The following CALD1 variants were observed in gnomAD, a reference collection of about 807,000 sequenced individuals.
CALD1 encodes caldesmon 1, also known as caldesmon.
Under a neutral mutation model 99.9 loss-of-function variants are expected in CALD1, and 33 were observed. The ratio of observed to expected loss-of-function variants is 0.33; its 90% CI spans 0.25 to 0.44. The LOEUF is 0.44. CALD1 is among the 20% of genes least tolerant of loss of function. The pLI is 1.00. For synonymous variants in CALD1, 310 were observed against 325.0 expected (o/e 0.95, Z 0.50); for missense variants, 861 against 962.1 (o/e 0.89, Z 1.39).
chr7:134,966,080 G>T (rs773297630), intron 14 of CALD1, among the ~76,000 whole-genome samples: 1 of 152,064 alleles, frequency 6.6e-6, no homozygotes, highest in African/African-American at 2.4e-5. Flanking sequence ...AATAGACCTC[G>T]TGTTCTCCTT....
At chr7:134,957,412 G>A (rs1467516298) in intron 9 of CALD1, among the ~76,000 whole-genome samples, 4 of 143,946 alleles carry the variant, frequency 2.8e-5, no homozygotes, top group Non-Finnish European at 6.2e-5. Flanking sequence ...TTTGTTTGTT[G>A]TTGTTGCATT....
intron 1 of CALD1, among the ~76,000 whole-genome samples, chr7:134,794,024 A>AC (rs1046440639): frequency 1.3e-5 from 2 of 152,062 alleles, no homozygotes; most frequent in African/African-American, 4.8e-5. Context: ...ACTGCAGCTC[A>AC]CAGAGGCCAT....
chr7:134,957,614 T>C (rs1400454803), intron 9 of CALD1, among the ~76,000 whole-genome samples: 1 of 152,126 alleles, frequency 6.6e-6, no homozygotes, highest in East Asian at 1.9e-4. Flanking sequence ...AGAGATAGGG[T>C]TTCACCATGT....
intron 1 of CALD1, among the ~76,000 whole-genome samples, chr7:134,747,795 C>T (rs1052180351): frequency 1.3e-5 from 2 of 152,216 alleles, no homozygotes; most frequent in Non-Finnish European, 2.9e-5. Flanking sequence ...TAGGCCCAGG[C>T]AGACAAATAC....
intron 9 of CALD1, among the ~76,000 whole-genome samples, chr7:134,952,417 T>C: frequency 6.6e-6 from 1 of 152,128 alleles, no homozygotes; most frequent in South Asian, 2.1e-4. Flanking sequence ...TTTACAGTTA[T>C]TACTTGTTCC....
At chr7:134,887,953 C>A (rs796809461) in intron 3 of CALD1, among the ~76,000 whole-genome samples, 12 of 152,300 alleles carry the variant, frequency 7.9e-5, no homozygotes, top group African/African-American at 2.9e-4. Flanking sequence ...ACCTCTCTTC[C>A]CTAGGGAATT....
intron 3 of CALD1, among the ~76,000 whole-genome samples, chr7:134,916,853 G>A (rs538378972): frequency 3.3e-4 from 50 of 152,276 alleles, no homozygotes; most frequent in African/African-American, 1.2e-3. Flanking sequence ...GGGATGAGTC[G>A]AACTTCTAGA....
chr7:134,909,887 A>G (rs185501966), intron 3 of CALD1, among the ~76,000 whole-genome samples: 1 of 152,308 alleles, frequency 6.6e-6, no homozygotes, highest in African/African-American at 2.4e-5. Context: ...AAATTTAAAA[A>G]CAGAGAATCT....
intron 3 of CALD1, among the ~76,000 whole-genome samples, chr7:134,878,829 G>A (rs1801467030): frequency 6.6e-6 from 1 of 151,942 alleles, no homozygotes; most frequent in Admixed American, 6.6e-5. Flanking sequence ...ATAGCTGGAT[G>A]TGGTAGTGTG....
rs964399402 is a variant in CALD1, at chr7:134,745,122, C to T, written c.-130+759C>T. Among the ~76,000 whole-genome samples the T allele has an allele frequency of 8.5e-5, 13 of 152,326 alleles. No homozygotes were observed. In the South Asian group the frequency reaches 1.2e-3, roughly 15 times the overall value. On this transcript the variant is annotated intron_variant, in intron 1 of 13. Transcript: ENST00000417172. ...GTGTGTTTAATTAATAAAATAAATGCATCCAAACCCACTTCTGCTGTACAG... is the reference window on the plus strand; with the variant it reads ...GTGTGTTTAATTAATAAAATAAATGTATCCAAACCCACTTCTGCTGTACAG...
At chr7:134,717,973 T>C in the CALD1 span, among the ~76,000 whole-genome samples, 2,282 of 152,306 alleles carry the variant, frequency 0.015, 65 homozygotes, top group African/African-American at 0.05. Context: ...ACATTCTTCT[T>C]GTCATGGAAA....
At chr7:134,893,634 T>C (rs539065592) in intron 3 of CALD1, among the ~76,000 whole-genome samples, 2 of 152,298 alleles carry the variant, frequency 1.3e-5, no homozygotes, top group African/African-American at 4.8e-5. Flanking sequence ...CTGACCTCCT[T>C]TCTGTTCTGC....
chr7:134,892,438 C>T (rs762506008), intron 3 of CALD1, among the ~76,000 whole-genome samples: 19 of 152,166 alleles, frequency 1.2e-4, no homozygotes, highest in Non-Finnish European at 2.5e-4. Flanking sequence ...GAAAAGGTAC[C>T]GCACAAGAAT....
intron 2 of CALD1, among the ~76,000 whole-genome samples, chr7:134,861,158 T>C (rs1034884781): frequency 1.3e-5 from 2 of 152,218 alleles, no homozygotes; most frequent in Admixed American, 6.5e-5. Context: ...AGTATTATTA[T>C]GTGGCGTAAG....
the CALD1 span, among the ~76,000 whole-genome samples, chr7:134,729,300 A>G: frequency 6.6e-6 from 1 of 152,238 alleles, no homozygotes; most frequent in Non-Finnish European, 1.5e-5. Flanking sequence ...CCATTTCTAC[A>G]GATGAGGAAA....
At chr7:134,733,994 A>G in the CALD1 span, among the ~76,000 whole-genome samples, 172 of 151,724 alleles carry the variant, frequency 1.1e-3, 2 homozygotes, top group East Asian at 0.03. Flanking sequence ...AGCATATATT[A>G]TATAGTTATT....
At chr7:134,947,307 G>A (rs749907532) in intron 7 of CALD1, among the ~76,000 whole-genome samples, 4 of 152,160 alleles carry the variant, frequency 2.6e-5, no homozygotes, top group Non-Finnish European at 4.4e-5. Flanking sequence ...TACAGCTGAG[G>A]AAACGAAGCA....
chr7:134,945,700 A>G (rs1357227116), intron 7 of CALD1, among the ~76,000 whole-genome samples: 1 of 152,238 alleles, frequency 6.6e-6, no homozygotes, highest in Non-Finnish European at 1.5e-5. Context: ...ACCACATCAT[A>G]CCAAGCTAAT....
chr7:134,832,887 A>C (rs546619920), intron 1 of CALD1, among the ~76,000 whole-genome samples: 6 of 152,202 alleles, frequency 3.9e-5, no homozygotes, highest in Admixed American at 3.9e-4. Context: ...ATTTTAAGTT[A>C]TTCACAGTTA....
Sources: gnomAD v4.1 joint callset for allele counts (sites outside exome capture counted in the v4.1 genomes callset) on GRCh38, gnomAD v4.1.1 for gene constraint, MANE v1.5 for transcripts, NCBI Gene and HGNC (gene_info 2026-07-23, HGNC 2026-07-21) for gene names.